EVA1C: variants seen among roughly 807,000 people sequenced by gnomAD.
The protein encoded by EVA1C is eva-1 homolog C.
EVA1C carries 25 observed loss-of-function variants against 45.4 expected under a neutral mutation model. The ratio of observed to expected loss-of-function variants is 0.55; its 90% CI spans 0.40 to 0.77. The LOEUF is 0.77. Ranked by LOEUF, EVA1C falls within the 30% of genes least tolerant of loss-of-function variation. The probability of loss-of-function intolerance (pLI) is 0.00; values close to 1 mark genes in which losing one functional copy is unlikely to be tolerated. For synonymous variants in EVA1C, 190 were observed against 221.2 expected, an observed-to-expected ratio of 0.86 and a Z score of 1.25; for missense variants, 479 against 554.8, an observed-to-expected ratio of 0.86 and a Z score of 1.37.
At chr21:32,494,781 C>CAA (rs3056335) in intron 4 of EVA1C, among the ~76,000 whole-genome samples, 3,941 of 139,288 alleles carry the variant, frequency 0.028, 126 homozygotes, top group African/African-American at 0.076. Flanking sequence ...GAATCAGTTT[C>CAA]AAAAAAAAAA....
At chr21:32,493,278 T>C (rs2037227579) in intron 4 of EVA1C, among the ~76,000 whole-genome samples, 1 of 152,222 alleles carries the variant, frequency 6.6e-6, no homozygotes, top group Admixed American at 6.5e-5. Context: ...TTGCCTTTGG[T>C]TCCCGTTTCT....
At chr21:32,494,053 G>GC (rs1247331046) in intron 4 of EVA1C, among the ~76,000 whole-genome samples, 5 of 152,076 alleles carry the variant, frequency 3.3e-5, no homozygotes, top group Non-Finnish European at 5.9e-5. Context: ...GCCTGCCTCC[G>GC]CCTCCCAAAG....
rs556300818 is a variant in EVA1C, at chr21:32,476,056, TTGAC to T, written c.634+8211_634+8214del. On this transcript the variant is annotated intron_variant, in intron 4 of 7. Transcript: ENST00000300255. ...GATGTGGTTTTTATTTTGCCTTTCT[TTGAC>T]TGTGAATGACCTTGGCCATTTCCTC... Among the ~76,000 whole-genome samples the T allele has an allele frequency of 2.3e-3, 350 of 152,314 alleles. 2 individuals carry two copies. Among genetic ancestry groups the T allele is most frequent in the Middle Eastern group, 0.01 (3 of 294 alleles).
intron 4 of EVA1C, among the ~76,000 whole-genome samples, chr21:32,480,499 G>T (rs1197770197): frequency 6.6e-6 from 1 of 151,992 alleles, no homozygotes; most frequent in Non-Finnish European, 1.5e-5. Flanking sequence ...AAAATTAGCT[G>T]GATGTGGTGG....
At chr21:32,489,211 T>G (rs1363363942) in intron 4 of EVA1C, among the ~76,000 whole-genome samples, 1 of 152,116 alleles carries the variant, frequency 6.6e-6, no homozygotes, top group Non-Finnish European at 1.5e-5. Flanking sequence ...CTTCTAGGAG[T>G]TTTATGGTTT....
chr21:32,511,419 CA>C (rs749141703), intron 7 of EVA1C, among the ~76,000 whole-genome samples: 1,573 of 47,600 alleles, frequency 0.033, 4 homozygotes, highest in Middle Eastern at 0.15. Context: ...AACTCCGTCT[CA>C]AAAAAAAAAA....
intron 3 of EVA1C, among the ~76,000 whole-genome samples, chr21:32,459,031 G>A (rs1568906740): frequency 2.6e-5 from 4 of 152,048 alleles, no homozygotes; most frequent in African/African-American, 4.8e-5. Flanking sequence ...GCCCAGATAC[G>A]TCAAAGCTGC....
At chr21:32,467,610 G>A (rs1292059517) in intron 3 of EVA1C, 86 bp from the exon 4 acceptor site, 13 of 1,368,128 alleles carry the variant, frequency 9.5e-6, no homozygotes, top group Non-Finnish European at 1.3e-5. Context: ...GCAGCCCCGG[G>A]GAAATGAGCA....
intron 3 of EVA1C, among the ~76,000 whole-genome samples, chr21:32,464,469 G>T (rs2146290603): frequency 6.6e-6 from 1 of 152,252 alleles, no homozygotes; most frequent in Non-Finnish European, 1.5e-5. Flanking sequence ...CCAAAATTTT[G>T]TCTCACTGTT....
At chr21:32,440,581 A>G (rs1274633903) in intron 1 of EVA1C, among the ~76,000 whole-genome samples, 1 of 152,188 alleles carries the variant, frequency 6.6e-6, no homozygotes, top group Admixed American at 6.5e-5. Flanking sequence ...CATTTAGAGT[A>G]ACTTTTTAAA....
intron 5 of EVA1C, chr21:32,497,068 G>C: frequency 9.3e-7 from 1 of 1,074,128 alleles, no homozygotes; most frequent in Non-Finnish European, 1.5e-6. Context: ...GAATGTCATT[G>C]GACAGGATGG....
chr21:32,490,826 C>T (rs2037128457), intron 4 of EVA1C, among the ~76,000 whole-genome samples: 1 of 152,182 alleles, frequency 6.6e-6, no homozygotes, highest in Admixed American at 6.5e-5. Flanking sequence ...GACTTTCTTC[C>T]CGTGAGCAGC....
intron 5 of EVA1C, chr21:32,496,951 C>A: frequency 1.4e-6 from 2 of 1,388,004 alleles, no homozygotes; most frequent in Non-Finnish European, 2.1e-6. Flanking sequence ...AAGAAACAGA[C>A]CAAATGTGCA....
At chr21:32,473,456 T>G (rs985416073) in intron 4 of EVA1C, among the ~76,000 whole-genome samples, 2 of 152,184 alleles carry the variant, frequency 1.3e-5, no homozygotes, top group Non-Finnish European at 2.9e-5. Context: ...TTTAATATCA[T>G]CCACCTGAAA....
intron 1 of EVA1C, among the ~76,000 whole-genome samples, chr21:32,442,572 T>C (rs1240405360): frequency 6.7e-6 from 1 of 149,580 alleles, no homozygotes; most frequent in African/African-American, 2.5e-5. Context: ...ACTTCAAACA[T>C]GTAAAAACAC....
intron 4 of EVA1C, among the ~76,000 whole-genome samples, chr21:32,486,300 T>C (rs1055340949): frequency 6.6e-6 from 1 of 152,124 alleles, no homozygotes; most frequent in East Asian, 1.9e-4. Flanking sequence ...ATTTTTGTAT[T>C]TTTAGTAGAG....
intron 4 of EVA1C, among the ~76,000 whole-genome samples, chr21:32,494,781 CAAAA>C (rs3056335): frequency 6.5e-5 from 9 of 139,348 alleles, no homozygotes; most frequent in Admixed American, 5.7e-4. Flanking sequence ...GAATCAGTTT[CAAAA>C]AAAAAAAAAA....
intron 5 of EVA1C, among the ~76,000 whole-genome samples, chr21:32,498,456 A>G (rs1272164925): frequency 4.0e-5 from 6 of 150,978 alleles, no homozygotes; most frequent in Admixed American, 2.0e-4. Context: ...AAAAAAAAAA[A>G]AGAGACATGG....
intron 7 of EVA1C, among the ~76,000 whole-genome samples, chr21:32,504,739 A>G (rs2037667864): frequency 6.6e-6 from 1 of 152,220 alleles, no homozygotes; most frequent in Admixed American, 6.5e-5. Flanking sequence ...ACATAACAGT[A>G]TTGCTATTCA....
Sources: allele counts gnomAD v4.1 joint callset (sites outside exome capture counted in the v4.1 genomes callset), GRCh38; gene constraint gnomAD v4.1.1; transcripts MANE v1.5; gene names NCBI Gene and HGNC (gene_info 2026-07-23, HGNC 2026-07-21).